Variants in CYTIP observed in about 807,000 individuals in gnomAD.
CYTIP encodes cytohesin-interacting protein.
CYTIP carries 26 observed loss-of-function variants against 43.8 expected under a neutral mutation model. That is an observed-to-expected ratio of 0.59 (90% confidence interval 0.44 to 0.82). CYTIP has a LOEUF of 0.82. Among genes scored for constraint, CYTIP ranks in the 40% least tolerant of loss-of-function variants. The pLI is 0.00. For synonymous variants in CYTIP, 162 were observed against 162.9 expected (o/e 0.99, Z 0.04); for missense variants, 426 against 443.1 (o/e 0.96, Z 0.35).
At chr2:157,428,442 C>G (rs533859719) in intron 5 of CYTIP, among the ~76,000 whole-genome samples, 21 of 152,290 alleles carry the variant, frequency 1.4e-4, no homozygotes, top group African/African-American at 5.1e-4. Flanking sequence ...GATCTTGACT[C>G]TCTGAGAAAT....
intron 1 of CYTIP, among the ~76,000 whole-genome samples, chr2:157,440,682 G>C (rs1685894463): frequency 6.6e-6 from 1 of 152,154 alleles, no homozygotes; most frequent in Admixed American, 6.5e-5. Flanking sequence ...GCCAGAAGTT[G>C]CCTATTTAGC....
intron 6 of CYTIP, 64 bp from the exon 7 acceptor site, chr2:157,418,653 T>G (rs1414834387): frequency 1.8e-5 from 26 of 1,428,678 alleles, no homozygotes; most frequent in Non-Finnish European, 2.5e-5. Context: ...AAGCTAGCAA[T>G]TTAATTCTAG....
chr2:157,429,981 C>T (rs1411723590), intron 5 of CYTIP, among the ~76,000 whole-genome samples: 3 of 150,688 alleles, frequency 2.0e-5, no homozygotes, highest in East Asian at 3.9e-4. Flanking sequence ...CAAGATCGCG[C>T]CACTGCACTC....
At chr2:157,428,059 A>T (rs1353732741) in intron 5 of CYTIP, among the ~76,000 whole-genome samples, 1 of 152,222 alleles carries the variant, frequency 6.6e-6, no homozygotes, top group African/African-American at 2.4e-5. Context: ...ACAAACTCTA[A>T]TCCTAGAATT....
chr2:157,430,022 C>CAA (rs768455650), intron 5 of CYTIP, among the ~76,000 whole-genome samples: 39 of 52,544 alleles, frequency 7.4e-4, no homozygotes, highest in South Asian at 1.3e-3. Flanking sequence ...GACTCCGTCT[C>CAA]AAAAAAAAAA....
chr2:157,438,583 G>A (rs1170237797), intron 1 of CYTIP, among the ~76,000 whole-genome samples: 1 of 152,150 alleles, frequency 6.6e-6, no homozygotes, highest in African/African-American at 2.4e-5. Context: ...TGATGGATAT[G>A]CTAATTACTC....
intron 6 of CYTIP, among the ~76,000 whole-genome samples, chr2:157,424,681 C>A (rs188272577): frequency 6.6e-6 from 1 of 152,102 alleles, no homozygotes; most frequent in East Asian, 1.9e-4. Context: ...TAGAGTGAGA[C>A]CCTGTCTCCA....
intron 6 of CYTIP, among the ~76,000 whole-genome samples, chr2:157,427,026 CT>C (rs1347924983): frequency 1.3e-5 from 2 of 152,094 alleles, no homozygotes; most frequent in South Asian, 2.1e-4. Flanking sequence ...AAATAATGAC[CT>C]TTTTTGTTTT....
chr2:157,437,537 C>T (rs1337008551), intron 1 of CYTIP, among the ~76,000 whole-genome samples: 2 of 151,056 alleles, frequency 1.3e-5, no homozygotes, highest in Admixed American at 6.6e-5. Context: ...CCCGTCTCTA[C>T]AAAAATACAA....
intron 1 of CYTIP, among the ~76,000 whole-genome samples, chr2:157,441,752 T>C: frequency 6.6e-6 from 1 of 152,218 alleles, no homozygotes; most frequent in East Asian, 1.9e-4. Context: ...AAACCAGATG[T>C]GACTCCTCCG....
At chr2:157,434,841 T>G (rs1357627911) in intron 1 of CYTIP, 94 bp from the exon 2 acceptor site, 14 of 444,518 alleles carry the variant, frequency 3.1e-5, no homozygotes, top group South Asian at 2.9e-4. Context: ...TCTCTCTCTC[T>G]CTCTCTCTCA....
chr2:157,427,804 C>T (rs982031966), intron 5 of CYTIP, among the ~76,000 whole-genome samples: 3 of 152,098 alleles, frequency 2.0e-5, no homozygotes, highest in African/African-American at 7.2e-5. Flanking sequence ...TACTATGTAC[C>T]AGATTCTAGA....
chr2:157,426,249 G>A (rs1000696968), intron 6 of CYTIP, among the ~76,000 whole-genome samples: 1 of 152,132 alleles, frequency 6.6e-6, no homozygotes, highest in Admixed American at 6.5e-5. Flanking sequence ...TAAAAAGATT[G>A]AGATCCTGAA....
chr2:157,439,033 C>A, intron 1 of CYTIP: 1 of 280,712 alleles, frequency 3.6e-6, no homozygotes, highest in South Asian at 3.1e-5. Context: ...ATATTTCCCC[C>A]ACCACTCTAC....
At chr2:157,434,812 ATCTC>A (rs113065609) in intron 1 of CYTIP, 65 bp from the exon 2 acceptor site, 13,867 of 413,924 alleles carry the variant, frequency 0.034, 504 homozygotes, top group Admixed American at 0.091. Context: ...AATGTTCTAA[ATCTC>A]TCTCTCTCTC....
At chr2:157,431,036 T>A in intron 3 of CYTIP, 74 bp from the exon 4 acceptor site, 1 of 1,170,314 alleles carries the variant, frequency 8.5e-7, no homozygotes, top group Non-Finnish European at 1.2e-6. Flanking sequence ...TAAAATGATG[T>A]CAATTATCAT....
Position 157,443,917 on chromosome 2 carries a change from G to A in CYTIP, c.104C>T (p.Thr35Met), listed in dbSNP as rs554201208. The A allele has an allele frequency of 5.2e-5, 84 of 1,614,014 alleles. No individual in the cohort carries two copies. The South Asian group carries it at 7.9e-4, about 15-fold the overall frequency. ...TTGAATCCTTCTATTATCGTCCATC[G>A]TAAGGCTGCCGGTGAGTGTGGAGTA... ...SSYSTLTGSL[T>M]MDDNRRIQML... Residue 35 changes from threonine (T) to methionine (M), a missense_variant, in exon 1 of 8, where the codon ACG becomes ATG. Physicochemically the swap from Thr to Met is moderately conservative, Grantham distance 81 (BLOSUM62 -1). Transcript: ENST00000264192.
intron 5 of CYTIP, 95 bp from the exon 6 acceptor site, chr2:157,427,515 T>G (rs184758231): frequency 2.6e-4 from 224 of 856,044 alleles, no homozygotes; most frequent in Admixed American, 2.0e-3. Context: ...TACTACACTT[T>G]GAGCACATAC....
intron 1 of CYTIP, among the ~76,000 whole-genome samples, chr2:157,439,660 C>T (rs1339420687): frequency 6.6e-6 from 1 of 152,184 alleles, no homozygotes; most frequent in African/African-American, 2.4e-5. Context: ...TCTTTTATTA[C>T]ACATTATCTA....
Sources: allele counts gnomAD v4.1 joint callset (sites outside exome capture counted in the v4.1 genomes callset), GRCh38; gene constraint gnomAD v4.1.1; transcripts MANE v1.5; gene names NCBI Gene and HGNC (gene_info 2026-07-23, HGNC 2026-07-21).